RNF213: variants seen among roughly 807,000 people sequenced by gnomAD.
RNF213 encodes E3 ubiquitin-protein ligase RNF213.
A neutral mutation model predicts 514.4 loss-of-function variants in RNF213; 341 were observed. The ratio of observed to expected loss-of-function variants is 0.66; its 90% CI spans 0.61 to 0.73. The LOEUF is 0.73. Ranked by LOEUF, RNF213 falls within the 30% of genes least tolerant of loss-of-function variation. The pLI is 0.00. For missense variants in RNF213, 5,767 were observed against 6,615.6 expected (o/e 0.87, Z 4.45); for synonymous variants, 2,655 against 2,658.2 (o/e 1.00, Z 0.04).
Position 80,363,795 on chromosome 17 carries a change from G to A in RNF213, c.11750+5G>A. 6.2e-7 allele frequency: 1 copy of A among 1,612,362 alleles called. No homozygotes were observed. The highest frequency in any genetic ancestry group is 8.5e-7 in the Non-Finnish European group (1 of 1,179,860). Reference sequence around the variant, plus strand: ...GGCTGTCATCAGGGAAGTCAGGTGAGACCCAGGAGCCCTCACCCACTGCTT... The same window carrying A: ...GGCTGTCATCAGGGAAGTCAGGTGAAACCCAGGAGCCCTCACCCACTGCTT... On this transcript the variant is annotated splice_donor_5th_base_variant and intron_variant, in intron 41 of 67. Coordinates refer to ENST00000582970, the MANE Select transcript of RNF213 (RefSeq NM_001256071.3).
In RNF213 at chr17:80,327,994, G is replaced by A; in HGVS notation, c.3367+5G>A. On this transcript the variant is annotated splice_donor_5th_base_variant and intron_variant, in intron 19 of 67. Transcript: ENST00000582970. ...TTCTTGACATCTGGCAACTGAGTAA[G>A]CATCGAGTCGATACGCACTTCAGGC... is the stretch of plus-strand genomic sequence containing the variant. The A allele has an allele frequency of 6.5e-7, 1 of 1,537,258 alleles. No homozygotes were observed.
Position 80,347,775 on chromosome 17 carries a change from G to A in RNF213, c.9440G>A (p.Arg3147His), listed in dbSNP as rs138073471. Residue 3147 changes from arginine (R) to histidine (H), a missense_variant, in exon 29 of 68, where the codon CGC (arginine) becomes CAC (histidine). Physicochemically the swap from Arg to His is conservative, Grantham distance 29. This residue lies in a region of RNF213 where 919 missense variants were observed against 1,121.0 expected (regional missense o/e 0.82). Coordinates refer to ENST00000582970, the MANE Select transcript of RNF213 (RefSeq NM_001256071.3). This position sits in a 1 kb window ranked among gnomAD's most constrained non-coding sequence, Gnocchi z 7.2. Reference sequence around the variant, plus strand: ...AAATGTCGGGTTCACCCCAACTTCCGCCTGATTGTCATTGAAGAGAAAGAC... The same window carrying A: ...AAATGTCGGGTTCACCCCAACTTCCACCTGATTGTCATTGAAGAGAAAGAC... Reference protein sequence around the residue: ...RVKCRVHPNFRLIVIEEKDVV... With the variant: ...RVKCRVHPNFHLIVIEEKDVV... 2.2e-5 allele frequency: 36 copies of A among 1,614,032 alleles called. No individual in the cohort carries two copies. The highest frequency in any genetic ancestry group is 1.6e-4 in the Middle Eastern group (1 of 6,084).
At position 80,394,661 on chromosome 17, in the gene RNF213, C is replaced by A. The variant is rs2080609878; in HGVS notation, c.*1163C>A. ...TTAACGACTTAACTTGAAATTGGGC[C>A]TAAGGAGTGAGAACTACAAAAATAC... On this transcript the variant is annotated 3_prime_UTR_variant, in exon 68 of 68. Coordinates refer to ENST00000582970, the MANE Select transcript of RNF213 (RefSeq NM_001256071.3). 6.6e-6 allele frequency: 1 copy of A among 152,142 alleles called. No homozygotes were observed. The highest frequency in any genetic ancestry group is 2.1e-4 in the South Asian group (1 of 4,830). 9.4% of individuals were successfully genotyped at this position (152,142 alleles called of 1,614,324 possible).
intron 37 of RNF213, among the ~76,000 whole-genome samples, chr17:80,359,041 A>G (rs779861349): frequency 1.5e-4 from 23 of 152,132 alleles, no homozygotes; most frequent in Admixed American, 1.1e-3. Context: ...GTGCGCTGCG[A>G]ACAGCCCCAC....
At chr17:80,372,932 C>A in intron 48 of RNF213, 43 bp from the exon 49 acceptor site, 2 of 1,589,094 alleles carry the variant, frequency 1.3e-6, no homozygotes, top group East Asian at 2.3e-5. Flanking sequence ...AATAAATGCC[C>A]TAAGTCACCA....
At chr17:80,328,089 T>G (rs1568077511) in intron 19 of RNF213, 100 bp downstream of exon 19, 1 of 1,376,870 alleles carries the variant, frequency 7.3e-7, no homozygotes, top group Non-Finnish European at 9.9e-7. Flanking sequence ...GAGATAATCA[T>G]CTTAGCCTTG....
In RNF213 at chr17:80,371,939, CTGAAGATAA is replaced by C; in HGVS notation, c.12492_12500del (p.Glu4165_Lys4167del). On this transcript the variant is annotated inframe_deletion, in exon 47 of 68. Coordinates refer to ENST00000582970, the MANE Select transcript of RNF213 (RefSeq NM_001256071.3). The stretch of plus-strand genomic sequence containing the variant: ...CTGTTAAAAAAGAAAGCATTCATAA[CTGAAGATAA>C]AACTGAACTGTACATGCTCTTCATC... The C allele has an allele frequency of 6.3e-7, 1 of 1,598,644 alleles. No homozygotes were observed. Among genetic ancestry groups the C allele is most frequent in the Non-Finnish European group, 8.6e-7 (1 of 1,165,896 alleles).
At chr17:80,333,112 G>C (rs1445324699) in intron 21 of RNF213, among the ~76,000 whole-genome samples, 1 of 151,336 alleles carries the variant, frequency 6.6e-6, no homozygotes, top group Non-Finnish European at 1.5e-5. Context: ...GCAGTGGCGC[G>C]ATCTTGGCTC....
intron 25 of RNF213, 123 bp from the exon 26 acceptor site, chr17:80,339,078 A>AT: frequency 5.6e-6 from 4 of 716,030 alleles, no homozygotes; most frequent in Admixed American, 3.0e-5. Flanking sequence ...TTGTGAGCGC[A>AT]GATCATGCAG....
intron 8 of RNF213, 112 bp from the exon 9 acceptor site, chr17:80,294,608 G>T (rs1366136428): frequency 1.5e-6 from 2 of 1,318,198 alleles, no homozygotes; most frequent in East Asian, 2.3e-5. Context: ...CCCTTCCTCT[G>T]CCCCATTTAC....
At chr17:80,279,963 C>T (rs1391310319) in intron 3 of RNF213, among the ~76,000 whole-genome samples, 3 of 152,212 alleles carry the variant, frequency 2.0e-5, no homozygotes, top group African/African-American at 4.8e-5. Context: ...CTGCCTTCCC[C>T]GCACCGCGCT....
Position 80,379,638 on chromosome 17 carries a change from C to T in RNF213, c.13564C>T (p.Gln4522Ter). The change falls in exon 55 of 68, where the codon CAG becomes TAG. Residue 4522 changes from glutamine to a stop codon, truncating the protein, a stop_gained. Transcript: ENST00000582970. LOFTEE classifies it high-confidence loss of function. ...SVGECGRPME[Q>*]SICIDCHAPI... ...ACCCTAGTGTGGCAGGCCGATGGAACAGAGCATCTGCATTGACTGCCATGC... is the reference window on the plus strand; with the variant it reads ...ACCCTAGTGTGGCAGGCCGATGGAATAGAGCATCTGCATTGACTGCCATGC... 6.2e-7 allele frequency: 1 copy of T among 1,614,210 alleles called. No individual in the cohort carries two copies. The highest frequency in any genetic ancestry group is 2.2e-5 in the East Asian group (1 of 44,880).
At position 80,360,822 on chromosome 17, in the gene RNF213, C is replaced by T. The variant is rs114331720; in HGVS notation, c.11200+616C>T. On this transcript the variant is annotated intron_variant, in intron 38 of 67. Transcript: ENST00000582970. ...AATAGTCTTTTCCACGTTTACTTAT[C>T]GTACCATTTGGAAGACTCAGGGTGG... Among the ~76,000 whole-genome samples, 366 of 152,314 alleles carry T rather than the reference C, an allele frequency of 2.4e-3. 2 individuals carry two copies. The highest frequency in any genetic ancestry group is 7.7e-3 in the African/African-American group (319 of 41,578).
In RNF213 at chr17:80,273,340, G is replaced by A. The variant is rs1218333490; in HGVS notation, c.197G>A (p.Gly66Asp). ...KEEGGPCLFP[G>D]SDSWQENPEE... ...GAAGGGGGCCCGTGCTTGTTCCCGG[G>A]CTCAGACAGTTGGCAAGAAAACCCC... Residue 66 changes from glycine to aspartate, a missense_variant, in exon 3 of 68, where the codon GGC becomes GAC. Physicochemically the swap from Gly to Asp is moderately conservative, Grantham distance 94. Coordinates refer to ENST00000582970, the MANE Select transcript of RNF213 (RefSeq NM_001256071.3). The A allele has an allele frequency of 6.2e-7, 1 of 1,613,318 alleles. No individual in the cohort carries two copies. The highest frequency in any genetic ancestry group is 8.5e-7 in the Non-Finnish European group (1 of 1,179,978).
At chr17:80,356,552 C>T (rs2144298485) in intron 36 of RNF213, among the ~76,000 whole-genome samples, 1 of 152,370 alleles carries the variant, frequency 6.6e-6, no homozygotes, top group East Asian at 1.9e-4. Flanking sequence ...GGACTGGAGT[C>T]CTTTGCCCTC....
chr17:80,362,475 C>A (rs2079092082), intron 39 of RNF213, among the ~76,000 whole-genome samples: 1 of 152,216 alleles, frequency 6.6e-6, no homozygotes, highest in Admixed American at 6.5e-5. Flanking sequence ...CTTAGCCTTA[C>A]TATTAATAGC....
chr17:80,263,811 C>T lies in RNF213; in HGVS notation c.97+33C>T, dbSNP rs778617689. On this transcript the variant is annotated intron_variant, in intron 2 of 67. Transcript: ENST00000582970. This position sits in a 1 kb window ranked among gnomAD's most constrained non-coding sequence, Gnocchi z 4.9. ...CCAGGGGTGCTGGTGGAGGCTGGGG[C>T]AGTGGGGACCCCTGGAGATGTCTCA... 2 of 1,589,744 alleles carry T rather than the reference C, an allele frequency of 1.3e-6. No homozygotes were observed. The highest frequency in any genetic ancestry group is 2.7e-5 in the African/African-American group (2 of 74,434).
chr17:80,293,620 A>C (rs9915540), intron 8 of RNF213, among the ~76,000 whole-genome samples: 1 of 151,348 alleles, frequency 6.6e-6, no homozygotes, highest in Admixed American at 6.6e-5. Context: ...TCAGGAGATC[A>C]AGACCATCCT....
At chr17:80,391,760 CTTTTTTTTTTTTTTT>C (rs779136667) in intron 67 of RNF213, among the ~76,000 whole-genome samples, 77 of 88,630 alleles carry the variant, frequency 8.7e-4, no homozygotes, top group South Asian at 4.4e-3. Context: ...ATAAACTAGC[CTTTTTTTTTTTTTTT>C]TTTTTTTTTT....
Sources: allele counts gnomAD v4.1 joint callset (sites outside exome capture counted in the v4.1 genomes callset), GRCh38; gene constraint gnomAD v4.1.1; regional missense constraint gnomAD v4.1.1; non-coding constraint Gnocchi (gnomAD v3.1); transcripts MANE v1.5; gene names NCBI Gene and HGNC (gene_info 2026-07-23, HGNC 2026-07-21).